Variants in ZC3H13 observed in about 807,000 individuals in gnomAD.
ZC3H13 encodes the protein zinc finger CCCH-type containing 13.
In ZC3H13, 64 loss-of-function variants were observed where a neutral mutation model predicts 204.1. That is an observed-to-expected ratio of 0.31 (90% confidence interval 0.26 to 0.39). ZC3H13 has a LOEUF of 0.39. Ranked by LOEUF, ZC3H13 falls within the 10% of genes least tolerant of loss-of-function variation. The pLI is 1.00. For synonymous variants in ZC3H13, 667 were observed against 693.7 expected (o/e 0.96, Z 0.60); for missense variants, 1,833 against 2,082.7 (o/e 0.88, Z 2.33).
intron 4 of ZC3H13, among the ~76,000 whole-genome samples, chr13:46,030,188 T>C (rs1157884585): frequency 6.6e-6 from 1 of 152,006 alleles, no homozygotes; most frequent in African/African-American, 2.4e-5. Flanking sequence ...CTCAGACTAA[T>C]AAAAACTCTT....
chr13:46,010,736 C>CAA (rs1180047573), intron 6 of ZC3H13, among the ~76,000 whole-genome samples: 3 of 135,496 alleles, frequency 2.2e-5, no homozygotes, highest in African/African-American at 8.1e-5. Flanking sequence ...ATCTCTTATA[C>CAA]AAAAAAAAAA....
At chr13:46,012,926 GA>G (rs147376796) in intron 5 of ZC3H13, among the ~76,000 whole-genome samples, 1 of 152,272 alleles carries the variant, frequency 6.6e-6, no homozygotes, top group African/African-American at 2.4e-5. Context: ...TAAAACAACG[GA>G]AAGAGTAGTT....
intron 11 of ZC3H13, 115 bp downstream of exon 11, chr13:45,979,698 T>G: frequency 9.5e-7 from 1 of 1,051,710 alleles, no homozygotes; most frequent in Non-Finnish European, 1.3e-6. Context: ...AAATGTGTCA[T>G]CGAGCACAAG....
chr13:45,995,589 T>C (rs907014852), intron 8 of ZC3H13, among the ~76,000 whole-genome samples: 1 of 152,204 alleles, frequency 6.6e-6, no homozygotes, highest in Non-Finnish European at 1.5e-5. Context: ...CACCCCACAT[T>C]ATTCTACTTG....
chr13:46,037,534 C>T (rs1418350245), intron 4 of ZC3H13, among the ~76,000 whole-genome samples: 1 of 152,160 alleles, frequency 6.6e-6, no homozygotes, highest in Non-Finnish European at 1.5e-5. Flanking sequence ...TGCTCAAATT[C>T]CATAAAATAA....
At chr13:46,028,977 C>T (rs1408405443) in intron 4 of ZC3H13, among the ~76,000 whole-genome samples, 1 of 151,750 alleles carries the variant, frequency 6.6e-6, no homozygotes, top group African/African-American at 2.4e-5. Flanking sequence ...AAATCGAAAA[C>T]AGAAATTCAA....
At chr13:45,976,221 C>G (rs79316112) in intron 11 of ZC3H13, 1 of 985,046 alleles carries the variant, frequency 1.0e-6, no homozygotes, top group African/African-American at 1.8e-5. Flanking sequence ...CCTGAGAACA[C>G]TGGTGGCAAA....
chr13:45,958,547 T>C (rs1332702336), intron 18 of ZC3H13, among the ~76,000 whole-genome samples: 1 of 152,172 alleles, frequency 6.6e-6, no homozygotes, highest in Non-Finnish European at 1.5e-5. Context: ...CCAAAGAGCA[T>C]TTCCTTTGAG....
chr13:45,977,660 T>G (rs1201145645), intron 11 of ZC3H13, among the ~76,000 whole-genome samples: 1 of 152,158 alleles, frequency 6.6e-6, no homozygotes, highest in Non-Finnish European at 1.5e-5. Flanking sequence ...AAAATATTTC[T>G]TTGTTCCTTT....
chr13:46,043,672 A>T (rs2043742740), intron 3 of ZC3H13, among the ~76,000 whole-genome samples: 1 of 152,002 alleles, frequency 6.6e-6, no homozygotes, highest in Admixed American at 6.6e-5. Flanking sequence ...CCGACAAAAA[A>T]AATGCACAAA....
chr13:46,036,734 GTTTT>G (rs1332736964), intron 4 of ZC3H13, among the ~76,000 whole-genome samples: 2 of 151,678 alleles, frequency 1.3e-5, no homozygotes, highest in Non-Finnish European at 2.9e-5. Flanking sequence ...TTTTTGTTTT[GTTTT>G]GTTTTTTTGA....
chr13:46,034,407 TA>T (rs1313707540), intron 4 of ZC3H13, among the ~76,000 whole-genome samples: 1 of 152,222 alleles, frequency 6.6e-6, no homozygotes, highest in African/African-American at 2.4e-5. Context: ...GGAGAATGGC[TA>T]AACAAATTTT....
At chr13:46,010,562 A>T (rs796756672) in intron 6 of ZC3H13, 57 bp from the exon 7 acceptor site, 1 of 1,541,154 alleles carries the variant, frequency 6.5e-7, no homozygotes, top group East Asian at 2.3e-5. Context: ...GTACAACAAG[A>T]CTTACAGTAT....
At chr13:46,026,128 A>G (rs953356602) in intron 4 of ZC3H13, among the ~76,000 whole-genome samples, 6 of 152,130 alleles carry the variant, frequency 3.9e-5, no homozygotes, top group Non-Finnish European at 8.8e-5. Flanking sequence ...TGTTTATACT[A>G]AAGAAAAATA....
intron 1 of ZC3H13, among the ~76,000 whole-genome samples, chr13:46,046,554 G>C (rs1381239359): frequency 1.3e-5 from 2 of 149,686 alleles, no homozygotes; most frequent in East Asian, 3.9e-4. Context: ...TGTAGTCCCA[G>C]CTACTCTGGA....
chr13:46,000,010 T>C (rs1593609523), intron 8 of ZC3H13, among the ~76,000 whole-genome samples: 1 of 152,208 alleles, frequency 6.6e-6, no homozygotes, highest in Non-Finnish European at 1.5e-5. Flanking sequence ...TAGGTCTCAA[T>C]AGTGGGCTTA....
chr13:45,998,177 A>T (rs772375567), intron 8 of ZC3H13, among the ~76,000 whole-genome samples: 2 of 152,148 alleles, frequency 1.3e-5, no homozygotes, highest in Non-Finnish European at 2.9e-5. Context: ...AGTGACAAAG[A>T]TACTGTTTAG....
Position 46,052,742 on chromosome 13 carries a change from G to C in ZC3H13, c.-348C>G, listed in dbSNP as rs2044578514. On this transcript the variant is annotated 5_prime_UTR_variant, in exon 1 of 19. Transcript: ENST00000679008. ...CCTCAAAATGCCGCCGGAAGTCAGA[G>C]GTTTGCCCTGTTCCTCTGTAGACCC... The C allele has an allele frequency of 2.5e-6, 1 of 397,266 alleles. No individual in the cohort carries two copies. The highest frequency in any genetic ancestry group is 4.4e-6 in the Non-Finnish European group (1 of 225,426). The allele number at this position is 397,266 out of a possible 1,614,324, so 24.6% of individuals were successfully genotyped here. A position where few individuals can be genotyped will look rare whatever the true frequency, so the allele number is the denominator to read the frequency against.
At chr13:46,027,666 T>A (rs1430504796) in intron 4 of ZC3H13, among the ~76,000 whole-genome samples, 1 of 152,194 alleles carries the variant, frequency 6.6e-6, no homozygotes, top group Non-Finnish European at 1.5e-5. Context: ...ATTTAAAATA[T>A]CCCAGAGTAA....
Sources: gnomAD v4.1 joint callset for allele counts (sites outside exome capture counted in the v4.1 genomes callset) on GRCh38, gnomAD v4.1.1 for gene constraint, MANE v1.5 for transcripts, NCBI Gene and HGNC (gene_info 2026-07-23, HGNC 2026-07-21) for gene names.